The following OSBP2 variants were observed in gnomAD, a reference collection of about 807,000 sequenced individuals.
The protein encoded by OSBP2 is oxysterol binding protein 2.
Under a neutral mutation model 96.0 loss-of-function variants are expected in OSBP2, and 66 were observed. That is an observed-to-expected ratio of 0.69 (90% CI 0.56 to 0.84). The LOEUF (loss-of-function observed/expected upper bound fraction) is 0.84. Among genes scored for constraint, OSBP2 ranks in the 40% least tolerant of loss-of-function variants. OSBP2 has a pLI of 0.00. For synonymous variants in OSBP2, 525 were observed against 520.9 expected (o/e 1.01, Z -0.11); for missense variants, 1,038 against 1,222.7 (o/e 0.85, Z 2.25).
chr22:30,708,785 G>A (rs1569090929), intron 1 of OSBP2, among the ~76,000 whole-genome samples: 3 of 150,870 alleles, frequency 2.0e-5, no homozygotes, highest in Admixed American at 6.6e-5. Flanking sequence ...CACCGTGCCC[G>A]GCCAAGGATA....
At chr22:30,736,249 G>T (rs1004029196) in intron 1 of OSBP2, among the ~76,000 whole-genome samples, 1 of 152,144 alleles carries the variant, frequency 6.6e-6, no homozygotes, top group African/African-American at 2.4e-5. Flanking sequence ...GAATTCATTG[G>T]CTTCTTTATT....
chr22:30,776,449 A>G lies in OSBP2; in HGVS notation c.853+35080A>G, dbSNP rs143137519. Among the ~76,000 whole-genome samples, 707 of 152,258 alleles carry G rather than the reference A, an allele frequency of 4.6e-3. 1 individual carries two copies. Among genetic ancestry groups the G allele is most frequent in the South Asian group, 8.7e-3 (42 of 4,824 alleles). ...TAATAAATATCACTGTTAATGGTGC[A>G]TGATATTTCATTAAATAGATACAGT... On this transcript the variant is annotated intron_variant, in intron 2 of 13. Transcript: ENST00000332585.
In OSBP2 at chr22:30,754,878, T is replaced by C. The variant is rs965191808; in HGVS notation, c.853+13509T>C. On this transcript the variant is annotated intron_variant, in intron 2 of 13. Transcript: ENST00000332585. The stretch of plus-strand genomic sequence containing the variant: ...CCTTGCCCCATCTCAAAGCCTCCCA[T>C]TGCCATATAGCTTTCTGCTGACTAC... Among the ~76,000 whole-genome samples the C allele has an allele frequency of 3.9e-5, 6 of 152,200 alleles. No homozygotes were observed. In the East Asian group the frequency reaches 1.2e-3, roughly 29 times the overall value.
rs1405881537 is a variant in OSBP2, at chr22:30,714,396, AT to A, written c.644+18851del. 2.7e-5 allele frequency among the ~76,000 whole-genome samples: 4 copies of A among 150,122 alleles called. No homozygotes were observed. In the East Asian group the frequency reaches 5.8e-4, roughly 22 times the overall value. The stretch of plus-strand genomic sequence containing the variant: ...GTGCAGATATCTCTTCAACACACTG[AT>A]TTTTTTTCTTGTGTTTTTTTTTTGT... On this transcript the variant is annotated intron_variant, in intron 1 of 13. Coordinates refer to ENST00000332585, the MANE Select transcript of OSBP2 (RefSeq NM_030758.4).
chr22:30,852,926 T>A (rs2039004416), intron 2 of OSBP2, among the ~76,000 whole-genome samples: 1 of 152,212 alleles, frequency 6.6e-6, no homozygotes. Flanking sequence ...TATTCGGGGT[T>A]TTTTTCCAGA....
intron 2 of OSBP2, among the ~76,000 whole-genome samples, chr22:30,852,391 AGT>A (rs2038994087): frequency 6.6e-6 from 1 of 152,094 alleles, no homozygotes; most frequent in African/African-American, 2.4e-5. Flanking sequence ...CTTTCAAGGA[AGT>A]TTCCTTTTAA....
At chr22:30,694,415 T>C (rs2088981177), upstream of OSBP2, 10 of 1,445,480 alleles carry the variant, frequency 6.9e-6, no homozygotes, top group Non-Finnish European at 9.1e-6. Context: ...GCGCATTTCG[T>C]GGCCTCTGGG....
intron 2 of OSBP2, among the ~76,000 whole-genome samples, chr22:30,774,473 C>G (rs1206452677): frequency 6.6e-6 from 1 of 152,192 alleles, no homozygotes; most frequent in African/African-American, 2.4e-5. Context: ...AATGCGCCAC[C>G]ACCTTGGGGC....
intron 12 of OSBP2, among the ~76,000 whole-genome samples, chr22:30,898,069 CTAA>C (rs2040105572): frequency 6.6e-6 from 1 of 151,768 alleles, no homozygotes; most frequent in Non-Finnish European, 1.5e-5. Flanking sequence ...AGTTTCAATT[CTAA>C]TATTAGAGAA....
intron 3 of OSBP2, chr22:30,872,504 A>C (rs953437109): frequency 1.8e-5 from 7 of 391,102 alleles, no homozygotes; most frequent in Admixed American, 8.9e-5. Flanking sequence ...TTAAGTGCCT[A>C]ATGAATTGTT....
chr22:30,821,177 G>T (rs1437875606), intron 2 of OSBP2, among the ~76,000 whole-genome samples: 1 of 152,234 alleles, frequency 6.6e-6, no homozygotes, highest in Non-Finnish European at 1.5e-5. Context: ...CGAAGTGGGA[G>T]CCTCAGCAGA....
At chr22:30,755,208 C>T (rs2090126274) in intron 2 of OSBP2, among the ~76,000 whole-genome samples, 1 of 152,222 alleles carries the variant, frequency 6.6e-6, no homozygotes, top group Admixed American at 6.5e-5. Context: ...ACCCACTGGG[C>T]ATGCCAGACC....
chr22:30,741,116 T>C (rs1262357003), intron 1 of OSBP2, 45 bp from the exon 2 acceptor site: 1 of 1,463,226 alleles, frequency 6.8e-7, no homozygotes, highest in Non-Finnish European at 9.5e-7. Flanking sequence ...TCTGGAGCCA[T>C]TGAGATTAGG....
chr22:30,891,403 C>T (rs575055519), intron 8 of OSBP2, among the ~76,000 whole-genome samples: 2 of 152,352 alleles, frequency 1.3e-5, no homozygotes, highest in Non-Finnish European at 2.9e-5. Flanking sequence ...CCCACCACCC[C>T]TTCCCCACAG....
intron 2 of OSBP2, among the ~76,000 whole-genome samples, chr22:30,824,542 C>T (rs1048903735): frequency 1.3e-5 from 2 of 152,066 alleles, no homozygotes; most frequent in Non-Finnish European, 2.9e-5. Context: ...CTAGGGGTTG[C>T]GGGAAGCCTA....
At chr22:30,811,170 C>CCA (rs1555915319) in intron 2 of OSBP2, among the ~76,000 whole-genome samples, 1 of 148,012 alleles carries the variant, frequency 6.8e-6, no homozygotes, top group Non-Finnish European at 1.5e-5. Flanking sequence ...CACAACCCCC[C>CCA]CCCCACACAT....
At chr22:30,736,434 G>A (rs2089856548) in intron 1 of OSBP2, among the ~76,000 whole-genome samples, 2 of 152,260 alleles carry the variant, frequency 1.3e-5, no homozygotes, top group East Asian at 1.9e-4. Flanking sequence ...TATGATGGGG[G>A]CTTGGGGCTT....
At chr22:30,727,525 G>A (rs1298618032) in intron 1 of OSBP2, among the ~76,000 whole-genome samples, 2 of 152,084 alleles carry the variant, frequency 1.3e-5, no homozygotes, top group East Asian at 1.9e-4. Flanking sequence ...GCTGGACAGC[G>A]AGCTCTGTGG....
chr22:30,886,133 C>T (rs5753371), intron 3 of OSBP2, among the ~76,000 whole-genome samples: 6,819 of 152,284 alleles, frequency 0.045, 205 homozygotes, highest in East Asian at 0.12. Context: ...GTCCTGAGAA[C>T]ATGTGCCCAA....
Sources: allele counts gnomAD v4.1 joint callset (sites outside exome capture counted in the v4.1 genomes callset), GRCh38; gene constraint gnomAD v4.1.1; transcripts MANE v1.5; gene names NCBI Gene and HGNC (gene_info 2026-07-23, HGNC 2026-07-21).